The following CDKL3 variants were observed in gnomAD, a reference collection of about 807,000 sequenced individuals.
The protein encoded by CDKL3 is cyclin dependent kinase like 3, also known as cyclin-dependent kinase-like 3.
In CDKL3, 65 loss-of-function variants were observed where a neutral mutation model predicts 69.3. The observed-to-expected ratio is 0.94, with a 90% confidence interval of 0.77 to 1.15. The LOEUF is 1.15. Among genes scored for constraint, CDKL3 ranks in the 50% most tolerant of loss-of-function variants. CDKL3 has a pLI of 0.00. For missense variants in CDKL3, 652 were observed against 689.2 expected (o/e 0.95, Z 0.61); for synonymous variants, 202 against 221.6 (o/e 0.91, Z 0.79).
chr5:134,295,785 A>G (rs1012456756), downstream of CDKL3, among the ~76,000 whole-genome samples: 3 of 152,226 alleles, frequency 2.0e-5, no homozygotes, highest in Non-Finnish European at 2.9e-5. Flanking sequence ...GAAGATTCAG[A>G]ATTTTGGTAG....
chr5:134,283,738 A>G (rs1229804024), downstream of CDKL3, among the ~76,000 whole-genome samples: 1 of 152,068 alleles, frequency 6.6e-6, no homozygotes, highest in Non-Finnish European at 1.5e-5. Context: ...TCATTTCAGC[A>G]TTAACTCAAA....
Position 134,341,842 on chromosome 5 carries a change from T to C in CDKL3, c.539+8407A>G, listed in dbSNP as rs534778916. ...AGAGTGGGGCAACCAGCCTTCCCCT[T>C]GCAGTATGTAACTGTCACACCTGGT... On this transcript the variant is annotated intron_variant, in intron 4 of 12. Transcript: ENST00000265334. Among the ~76,000 whole-genome samples, 14 of 152,340 alleles carry C rather than the reference T, an allele frequency of 9.2e-5. No individual in the cohort carries two copies. The South Asian group carries it at 2.9e-3, about 32-fold the overall frequency.
intron 8 of CDKL3, among the ~76,000 whole-genome samples, chr5:134,287,150 A>G (rs747064635): frequency 6.6e-5 from 10 of 152,218 alleles, no homozygotes; most frequent in Non-Finnish European, 1.3e-4. Context: ...GTGACAAAAA[A>G]GAAGGCGCGC....
At chr5:134,357,527 A>T (rs1754922000) in intron 3 of CDKL3, among the ~76,000 whole-genome samples, 1 of 152,078 alleles carries the variant, frequency 6.6e-6, no homozygotes, top group Non-Finnish European at 1.5e-5. Context: ...GCTACTCAGG[A>T]GGGTGAAGCA....
chr5:134,285,601 A>G (rs1764828450), downstream of CDKL3, among the ~76,000 whole-genome samples: 1 of 152,230 alleles, frequency 6.6e-6, no homozygotes, highest in Non-Finnish European at 1.5e-5. Context: ...AACGTCTCTG[A>G]CATGTCCTGG....
chr5:134,336,240 T>C (rs1345903149), intron 4 of CDKL3, among the ~76,000 whole-genome samples: 1 of 152,132 alleles, frequency 6.6e-6, no homozygotes, highest in African/African-American at 2.4e-5. Context: ...TTTTTCAAGG[T>C]TTTTAGCTTC....
At position 134,298,642 on chromosome 5, in the gene CDKL3, G is replaced by C. The variant is rs1385496348; in HGVS notation, c.*9C>G. 6.2e-7 allele frequency: 1 copy of C among 1,611,690 alleles called. No individual in the cohort carries two copies. Among genetic ancestry groups the C allele is most frequent in the Non-Finnish European group, 8.5e-7 (1 of 1,179,268 alleles). ...CTTGTATTTTTTGGACTATGTAAAA[G>C]AAAAGACACTACCAGAAAAAAAACC... On this transcript the variant is annotated 3_prime_UTR_variant, in exon 13 of 13. Coordinates refer to ENST00000265334, the MANE Select transcript of CDKL3 (RefSeq NM_001113575.2).
chr5:134,335,024 T>C (rs1776714386), intron 4 of CDKL3, among the ~76,000 whole-genome samples: 3 of 152,312 alleles, frequency 2.0e-5, no homozygotes, highest in Non-Finnish European at 2.9e-5. Flanking sequence ...ATATTTAGGA[T>C]AGTTAGCTCT....
At chr5:134,371,537 G>A (rs1758411758), upstream of CDKL3, 2 of 1,587,826 alleles carry the variant, frequency 1.3e-6, no homozygotes, top group Admixed American at 1.8e-5. Flanking sequence ...GCGCCGGGGG[G>A]TGGGGGGGCT....
At chr5:134,329,915 C>T (rs1435864347) in intron 4 of CDKL3, among the ~76,000 whole-genome samples, 1 of 151,196 alleles carries the variant, frequency 6.6e-6, no homozygotes, top group Non-Finnish European at 1.5e-5. Context: ...GAGGCTGAGG[C>T]AGGAGAATTG....
At chr5:134,341,801 T>C (rs576953672) in intron 4 of CDKL3, among the ~76,000 whole-genome samples, 16 of 152,318 alleles carry the variant, frequency 1.1e-4, no homozygotes, top group African/African-American at 3.8e-4. Flanking sequence ...AAAGATCCAA[T>C]TTGCATAATA....
chr5:134,319,961 A>G (rs966656578), intron 5 of CDKL3, among the ~76,000 whole-genome samples: 2 of 152,218 alleles, frequency 1.3e-5, no homozygotes, highest in Admixed American at 6.5e-5. Flanking sequence ...GCAGAATGGA[A>G]AGAACTATAA....
At chr5:134,329,967 G>A (rs770997683) in intron 4 of CDKL3, among the ~76,000 whole-genome samples, 3 of 150,198 alleles carry the variant, frequency 2.0e-5, no homozygotes, top group Admixed American at 6.7e-5. Flanking sequence ...GTGAGATCGC[G>A]CCACTGCACT....
At chr5:134,338,507 T>C (rs769484079) in intron 4 of CDKL3, among the ~76,000 whole-genome samples, 19 of 151,056 alleles carry the variant, frequency 1.3e-4, no homozygotes, top group African/African-American at 4.4e-4. Flanking sequence ...CTGGCCAATA[T>C]GGTGAAACTC....
Position 134,321,841 on chromosome 5 carries a change from A to G in CDKL3, c.602T>C (p.Leu201Pro), listed in dbSNP as rs1403567006. 6.2e-7 allele frequency: 1 copy of G among 1,612,964 alleles called. No homozygotes were observed. Among genetic ancestry groups the G allele is most frequent in the South Asian group, 1.1e-5 (1 of 90,978 alleles). The change falls in exon 5 of 13, where the codon CTT becomes CCT. Residue 201 changes from leucine (L) to proline (P), a missense_variant. By Grantham distance (98) the Leu-to-Pro change is moderately conservative (BLOSUM62 -3). Transcript: ENST00000265334. ...TAAATCCAAATCAGAACTACTAGGA[A>G]GATAGGGATTTCCAGTGGCCATCTC... ...IIEMATGNPY[L>P]PSSSDLDLLH...
intron 10 of CDKL3, among the ~76,000 whole-genome samples, chr5:134,304,812 C>CAATAATAAT (rs375747445): frequency 1.3e-3 from 184 of 144,278 alleles, no homozygotes; most frequent in Middle Eastern, 0.011. Context: ...ATGAGAACCA[C>CAATAATAAT]AATAATAATA....
intron 8 of CDKL3, among the ~76,000 whole-genome samples, chr5:134,287,328 G>A (rs966955740): frequency 6.6e-6 from 1 of 152,092 alleles, no homozygotes; most frequent in Non-Finnish European, 1.5e-5. Flanking sequence ...ATTATTTAAT[G>A]GATCGAATTT....
intron 4 of CDKL3, among the ~76,000 whole-genome samples, chr5:134,322,979 CAA>C (rs545839607): frequency 4.5e-5 from 5 of 110,864 alleles, no homozygotes; most frequent in African/African-American, 6.5e-5. Flanking sequence ...AACTCAGTCT[CAA>C]AAAAAAAAAA....
At chr5:134,336,303 G>A (rs563406540) in intron 4 of CDKL3, among the ~76,000 whole-genome samples, 5 of 152,172 alleles carry the variant, frequency 3.3e-5, no homozygotes, top group Non-Finnish European at 5.9e-5. Context: ...TGTTATTACC[G>A]CCCTTCTGAA....
Sources: allele counts gnomAD v4.1 joint callset (sites outside exome capture counted in the v4.1 genomes callset), GRCh38; gene constraint gnomAD v4.1.1; transcripts MANE v1.5; gene names NCBI Gene and HGNC (gene_info 2026-07-23, HGNC 2026-07-21).